Variants in ASCC1 observed in about 807,000 individuals in gnomAD.
ASCC1 encodes the protein activating signal cointegrator 1 complex subunit 1.
ASCC1 carries 35 observed loss-of-function variants against 46.6 expected under a neutral mutation model. That is an observed-to-expected ratio of 0.75 (90% CI 0.57 to 0.99). The LOEUF is 0.99. Among genes scored for constraint, ASCC1 ranks in the 50% least tolerant of loss-of-function variants. ASCC1 has a pLI of 0.00. For missense variants in ASCC1, 376 were observed against 428.7 expected (o/e 0.88, Z 1.09); for synonymous variants, 143 against 146.6 (o/e 0.98, Z 0.18).
chr10:72,155,153 G>C (rs558449640), intron 6 of ASCC1, among the ~76,000 whole-genome samples: 2 of 152,250 alleles, frequency 1.3e-5, no homozygotes, highest in Non-Finnish European at 2.9e-5. Context: ...AGAGAAAGTG[G>C]TACACTGGTT....
At chr10:72,156,242 CTA>C (rs1848941277) in intron 6 of ASCC1, among the ~76,000 whole-genome samples, 1 of 152,196 alleles carries the variant, frequency 6.6e-6, no homozygotes, top group Non-Finnish European at 1.5e-5. Context: ...CCTGCTTCTG[CTA>C]TGTGATGTGC....
intron 7 of ASCC1, among the ~76,000 whole-genome samples, chr10:72,147,783 T>C (rs977233027): frequency 1.3e-5 from 2 of 152,124 alleles, no homozygotes; most frequent in African/African-American, 4.8e-5. Flanking sequence ...ATGGAAATAA[T>C]ACAATCTAAG....
At chr10:72,167,220 G>A (rs993929728) in intron 5 of ASCC1, among the ~76,000 whole-genome samples, 1 of 152,172 alleles carries the variant, frequency 6.6e-6, no homozygotes, top group East Asian at 1.9e-4. Context: ...CCACCAACTG[G>A]TGAATGAATA....
rs58308871 is a variant in ASCC1 at position 72,186,949 on chromosome 10, GA to G, written c.489+9861del. ...AAGCGGATGCACATGCACATGCCCA[GA>G]AAAAAAAAAAAAAAAGACTAACTTA... On this transcript the variant is annotated intron_variant, in intron 5 of 9. Coordinates refer to ENST00000672957, the MANE Select transcript of ASCC1 (RefSeq NM_001198800.3). 7.1e-3 allele frequency among the ~76,000 whole-genome samples: 714 copies of G among 101,084 alleles called. 5 individuals carry two copies. The highest frequency in any genetic ancestry group is 0.015 in the African/African-American group (480 of 32,758). The allele number at this position is 101,084 out of a possible 152,430, so 66.3% of individuals were successfully genotyped here.
At chr10:72,182,910 T>C (rs1035802151) in intron 5 of ASCC1, among the ~76,000 whole-genome samples, 6 of 151,780 alleles carry the variant, frequency 4.0e-5, no homozygotes, top group African/African-American at 1.5e-4. Flanking sequence ...TAAAGGACAG[T>C]ATCAGATCAT....
intron 3 of ASCC1, among the ~76,000 whole-genome samples, chr10:72,208,806 G>C (rs1489537252): frequency 2.0e-5 from 3 of 151,812 alleles, no homozygotes; most frequent in African/African-American, 7.3e-5. Flanking sequence ...TGTGTGTAGA[G>C]ACCAATAAGC....
intron 4 of ASCC1, among the ~76,000 whole-genome samples, chr10:72,199,799 T>C (rs552328609): frequency 1.5e-4 from 23 of 152,270 alleles, no homozygotes; most frequent in Middle Eastern, 3.4e-3. Context: ...ACTGGTGCGA[T>C]TGGCTCACTG....
intron 5 of ASCC1, among the ~76,000 whole-genome samples, chr10:72,194,313 T>C (rs370399427): frequency 7.4e-6 from 1 of 135,880 alleles, no homozygotes; most frequent in Non-Finnish European, 1.6e-5. Flanking sequence ...ATTGAATAAA[T>C]AAACAGTAAA....
intron 5 of ASCC1, among the ~76,000 whole-genome samples, chr10:72,188,868 C>A (rs912623735): frequency 5.3e-4 from 80 of 152,010 alleles, no homozygotes; most frequent in African/African-American, 1.9e-3. Flanking sequence ...AGCATCCTCC[C>A]ACCTCAGCCT....
rs752290786 is a variant in ASCC1, at chr10:72,203,437, G to A, written c.300C>T (p.Asp100=). Residue 100 remains aspartate (D), a synonymous_variant, in exon 4 of 10, where the codon GAC becomes GAT. Transcript: ENST00000672957. The part of the protein sequence containing the change: ...TSISIPKPGQ[D]GEIVITGQHR... ...TCTACTGAGTCTCACCAATTTCCCC[G>A]TCTTGTCCAGGTTTAGGAATGCTAA... The A allele has an allele frequency of 1.9e-5, 30 of 1,611,860 alleles. 1 individual carries two copies. The highest frequency in any genetic ancestry group is 1.1e-4 in the South Asian group (10 of 91,046).
At chr10:72,184,623 G>A (rs569837155) in intron 5 of ASCC1, among the ~76,000 whole-genome samples, 1 of 152,094 alleles carries the variant, frequency 6.6e-6, no homozygotes, top group African/African-American at 2.4e-5. Flanking sequence ...AAAACTGGTA[G>A]AACTGAAAAG....
At chr10:72,189,946 T>C in intron 5 of ASCC1, 2 of 739,566 alleles carry the variant, frequency 2.7e-6, no homozygotes, top group Non-Finnish European at 4.9e-6. Context: ...CCAAGACAAG[T>C]GCACACAAGT....
intron 7 of ASCC1, among the ~76,000 whole-genome samples, chr10:72,144,289 A>G (rs964483184): frequency 1.3e-5 from 2 of 151,966 alleles, no homozygotes; most frequent in Non-Finnish European, 2.9e-5. Flanking sequence ...TTTTTCTTTA[A>G]GTTTATCATG....
At chr10:72,203,866 C>T (rs1388655524) in intron 3 of ASCC1, among the ~76,000 whole-genome samples, 1 of 152,096 alleles carries the variant, frequency 6.6e-6, no homozygotes, top group Non-Finnish European at 1.5e-5. Flanking sequence ...ACCTGTAATC[C>T]CTGCTACTCA....
Position 72,195,788 on chromosome 10 carries a change from C to T in ASCC1, c.489+1023G>A, listed in dbSNP as rs113639652. Among the ~76,000 whole-genome samples the T allele has an allele frequency of 2.7e-5, 4 of 150,126 alleles. No homozygotes were observed. In the East Asian group the frequency reaches 5.9e-4, roughly 22 times the overall value. Reference sequence around the variant, plus strand: ...TGCAGAGGTTGCAGTGAGCCAAGATCGAGCCATTGCACTCCAGCCTGGGCA... The same window carrying T: ...TGCAGAGGTTGCAGTGAGCCAAGATTGAGCCATTGCACTCCAGCCTGGGCA... On this transcript the variant is annotated intron_variant, in intron 5 of 9. Transcript: ENST00000672957.
intron 3 of ASCC1, chr10:72,204,317 A>G: frequency 1.5e-6 from 2 of 1,322,284 alleles, no homozygotes; most frequent in Non-Finnish European, 2.1e-6. Context: ...TCATGGCAAC[A>G]GCGAGCTACA....
intron 8 of ASCC1, among the ~76,000 whole-genome samples, chr10:72,132,557 T>A (rs1296697806): frequency 6.6e-6 from 1 of 152,136 alleles, no homozygotes; most frequent in East Asian, 1.9e-4. Context: ...TTGTAGAGTG[T>A]TAGACAGCAC....
chr10:72,156,786 GA>G (rs991022735), intron 6 of ASCC1, among the ~76,000 whole-genome samples: 34 of 137,436 alleles, frequency 2.5e-4, no homozygotes, highest in African/African-American at 4.8e-4. Context: ...AAAAAAAAAA[GA>G]AAAAAAAAAG....
At chr10:72,210,936 C>T (rs1857998590) in intron 2 of ASCC1, 105 bp from the exon 3 acceptor site, 3 of 993,072 alleles carry the variant, frequency 3.0e-6, no homozygotes, top group Non-Finnish European at 4.6e-6. Context: ...AAGCAATACA[C>T]AGGCATAAAG....
Sources: gnomAD v4.1 joint callset for allele counts (sites outside exome capture counted in the v4.1 genomes callset) on GRCh38, gnomAD v4.1.1 for gene constraint, MANE v1.5 for transcripts, NCBI Gene and HGNC (gene_info 2026-07-23, HGNC 2026-07-21) for gene names.